The following NSUN6 variants were observed in gnomAD, a reference collection of about 807,000 sequenced individuals.
NSUN6 encodes tRNA (cytosine(72)-C(5))-methyltransferase NSUN6.
NSUN6 carries 64 observed loss-of-function variants against 58.0 expected under a neutral mutation model. The observed-to-expected ratio is 1.10, with a 90% CI of 0.90 to 1.36. The LOEUF is 1.36. Among genes scored for constraint, NSUN6 ranks in the 40% most tolerant of loss-of-function variants. The probability of loss-of-function intolerance (pLI) is 0.00; values close to 1 mark genes in which losing one functional copy is unlikely to be tolerated. For synonymous variants in NSUN6, 231 were observed against 193.9 expected, an observed-to-expected ratio of 1.19 and a Z score of -1.59; for missense variants, 701 against 550.1, an observed-to-expected ratio of 1.27 and a Z score of -2.74.
intron 3 of NSUN6, 84 bp from the exon 4 acceptor site, chr10:18,616,377 T>C (rs1367470611): frequency 1.1e-5 from 9 of 786,246 alleles, no homozygotes; most frequent in Middle Eastern, 4.5e-4. Context: ...TGAACTCTAA[T>C]GCCTCTTTAG....
At chr10:18,603,108 C>A (rs959192751) in intron 6 of NSUN6, among the ~76,000 whole-genome samples, 10 of 152,110 alleles carry the variant, frequency 6.6e-5, no homozygotes, top group African/African-American at 2.4e-4. Context: ...GCCTGGCCAA[C>A]ATGGCAAAAC....
rs1554845651 is a variant in NSUN6, at chr10:18,545,868, T to TAAACAAAA, written c.*64_*65insTTTTGTTT. On this transcript the variant is annotated 3_prime_UTR_variant, in exon 11 of 11. Transcript: ENST00000377304. ...TCAGTTGGCCTGACAACACTTTGGT[T>TAAACAAAA]AAAAAAAAAAAAACCACAGACAGCA... 1.7e-6 allele frequency: 1 copy of TAAACAAAA among 579,098 alleles called. No individual in the cohort carries two copies. Among genetic ancestry groups the TAAACAAAA allele is most frequent in the African/African-American group, 2.1e-5 (1 of 48,150 alleles). 35.9% of individuals were successfully genotyped at this position (579,098 alleles called of 1,614,324 possible).
At chr10:18,559,428 T>C (rs1168340003) in intron 8 of NSUN6, among the ~76,000 whole-genome samples, 2 of 148,174 alleles carry the variant, frequency 1.3e-5, no homozygotes, top group Non-Finnish European at 3.0e-5. Context: ...TGGAATGGAA[T>C]GGAGAATGGA....
At chr10:18,624,300 G>A (rs1375684579) in intron 3 of NSUN6, among the ~76,000 whole-genome samples, 1 of 151,836 alleles carries the variant, frequency 6.6e-6, no homozygotes, top group Non-Finnish European at 1.5e-5. Flanking sequence ...GAAAAGCAAA[G>A]CACAGACAAG....
chr10:18,605,397 A>C (rs943433973), intron 6 of NSUN6, among the ~76,000 whole-genome samples: 2 of 152,156 alleles, frequency 1.3e-5, no homozygotes, highest in African/African-American at 4.8e-5. Context: ...GGAAGAAGGG[A>C]GTCCTCTTAT....
At chr10:18,546,785 T>C (rs1363511867) in intron 10 of NSUN6, among the ~76,000 whole-genome samples, 1 of 151,704 alleles carries the variant, frequency 6.6e-6, no homozygotes, top group Non-Finnish European at 1.5e-5. Context: ...GGCTGAGGCA[T>C]GAGAATTGCC....
intron 1 of NSUN6, among the ~76,000 whole-genome samples, chr10:18,650,918 A>C (rs2059685160): frequency 6.6e-6 from 1 of 151,898 alleles, no homozygotes; most frequent in South Asian, 2.1e-4. Flanking sequence ...CTTCTTTTCC[A>C]CTCCTAAATG....
Position 18,549,382 on chromosome 10 carries a change from C to T in NSUN6, c.1072-1145G>A, listed in dbSNP as rs138617038. ...AAAGCTCTCTTAATTCCCTGCACTG[C>T]TTACTCCTTATCTTTGCATGTATGT... On this transcript the variant is annotated intron_variant, in intron 9 of 10. Transcript: ENST00000377304. Among the ~76,000 whole-genome samples, 550 of 152,302 alleles carry T rather than the reference C, an allele frequency of 3.6e-3. 1 individual carries two copies. The highest frequency in any genetic ancestry group is 4.8e-3 in the Non-Finnish European group (327 of 68,034).
intron 3 of NSUN6, among the ~76,000 whole-genome samples, chr10:18,631,894 G>GA (rs1311291245): frequency 2.0e-5 from 3 of 152,134 alleles, no homozygotes; most frequent in Non-Finnish European, 4.4e-5. Context: ...CACAGAAGTG[G>GA]AAAAAACTAC....
intron 3 of NSUN6, among the ~76,000 whole-genome samples, chr10:18,635,798 A>T (rs1192180839): frequency 6.6e-6 from 1 of 151,602 alleles, no homozygotes; most frequent in African/African-American, 2.4e-5. Context: ...AGATCCTGCC[A>T]CTGCACTCCA....
At chr10:18,551,292 G>GTGTGTGTGTGTGTGTGTGTGT (rs34031704) in intron 9 of NSUN6, among the ~76,000 whole-genome samples, 2 of 144,884 alleles carry the variant, frequency 1.4e-5, no homozygotes, top group African/African-American at 2.6e-5. Context: ...GTGTGTGTGT[G>GTGTGTGTGTGTGTGTGTGTGT]GTAAAATATA....
intron 8 of NSUN6, among the ~76,000 whole-genome samples, chr10:18,569,801 C>T (rs1263079884): frequency 1.3e-5 from 2 of 151,412 alleles, no homozygotes; most frequent in Non-Finnish European, 3.0e-5. Flanking sequence ...TTCTCCATTC[C>T]ATTCCATTCT....
intron 3 of NSUN6, among the ~76,000 whole-genome samples, chr10:18,621,733 G>T (rs1369674950): frequency 6.6e-6 from 1 of 152,160 alleles, no homozygotes; most frequent in African/African-American, 2.4e-5. Context: ...GCTAAAAAAT[G>T]AAGTAGCTAA....
chr10:18,550,448 T>C (rs2054529619), intron 9 of NSUN6, among the ~76,000 whole-genome samples: 1 of 152,212 alleles, frequency 6.6e-6, no homozygotes, highest in South Asian at 2.1e-4. Flanking sequence ...ACATCCATTG[T>C]TGCTCTAGCC....
At chr10:18,652,770 G>A (rs537301338), upstream of NSUN6, 74 of 452,262 alleles carry the variant, frequency 1.6e-4, no homozygotes, top group Non-Finnish European at 2.0e-4. Flanking sequence ...ATGCTGGCCA[G>A]GCTGGTCTCA....
chr10:18,627,547 G>A (rs935369903), intron 3 of NSUN6, among the ~76,000 whole-genome samples: 4 of 152,164 alleles, frequency 2.6e-5, no homozygotes, highest in African/African-American at 9.6e-5. Flanking sequence ...CAGGTCAGTG[G>A]GTGCGCGCAC....
intron 3 of NSUN6, among the ~76,000 whole-genome samples, chr10:18,638,784 G>C (rs950152580): frequency 1.3e-5 from 2 of 152,012 alleles, no homozygotes; most frequent in African/African-American, 4.8e-5. Context: ...CACACTTAGG[G>C]AAAGGGCAGG....
At chr10:18,583,519 CAA>C (rs941500005) in intron 8 of NSUN6, among the ~76,000 whole-genome samples, 2 of 151,938 alleles carry the variant, frequency 1.3e-5, no homozygotes, top group African/African-American at 4.8e-5. Context: ...AAAAAGCAGC[CAA>C]AAAAGTTAAC....
intron 3 of NSUN6, among the ~76,000 whole-genome samples, chr10:18,626,568 G>C (rs959487371): frequency 1.3e-5 from 2 of 152,166 alleles, no homozygotes; most frequent in Non-Finnish European, 2.9e-5. Context: ...AGGAATTCGA[G>C]ACCAACCTGG....
Sources: gnomAD v4.1 joint callset for allele counts (sites outside exome capture counted in the v4.1 genomes callset) on GRCh38, gnomAD v4.1.1 for gene constraint, MANE v1.5 for transcripts, NCBI Gene and HGNC (gene_info 2026-07-23, HGNC 2026-07-21) for gene names.